The following DNAH5 variants were observed in gnomAD, a reference collection of about 807,000 sequenced individuals.
DNAH5 encodes dynein axonemal heavy chain 5.
Under a neutral mutation model 518.2 loss-of-function variants are expected in DNAH5, and 372 were observed. The ratio of observed to expected loss-of-function variants is 0.72; its 90% CI spans 0.66 to 0.78. The LOEUF (loss-of-function observed/expected upper bound fraction) is 0.78, where lower values mean the gene tolerates loss of function less well. Ranked by LOEUF, DNAH5 falls within the 30% of genes least tolerant of loss-of-function variation. The pLI is 0.00. For missense variants in DNAH5, 5,523 were observed against 5,687.0 expected (o/e 0.97, Z 0.93); for synonymous variants, 2,039 against 2,025.9 (o/e 1.01, Z -0.17).
chr5:13,848,728 G>C (rs1003290416), intron 31 of DNAH5, among the ~76,000 whole-genome samples: 5 of 152,134 alleles, frequency 3.3e-5, no homozygotes, highest in African/African-American at 1.2e-4. Context: ...GTTCACAATA[G>C]GGCTTGCACT....
intron 47 of DNAH5, among the ~76,000 whole-genome samples, chr5:13,796,503 G>A (rs1347117448): frequency 6.6e-6 from 1 of 152,068 alleles, no homozygotes; most frequent in Non-Finnish European, 1.5e-5. Flanking sequence ...GGGATGTGAT[G>A]GACCTCTTCA....
chr5:13,839,921 C>G (rs994864527), intron 34 of DNAH5, among the ~76,000 whole-genome samples: 1 of 152,176 alleles, frequency 6.6e-6, no homozygotes, highest in Non-Finnish European at 1.5e-5. Flanking sequence ...AGGAAAAAGA[C>G]ATCTCTTAAG....
chr5:13,732,034 C>CA (rs1746633104), intron 68 of DNAH5, among the ~76,000 whole-genome samples: 1 of 151,144 alleles, frequency 6.6e-6, no homozygotes, highest in Non-Finnish European at 1.5e-5. Flanking sequence ...TCAGGAGGAT[C>CA]ACCTAAGCCC....
intron 1 of DNAH5, among the ~76,000 whole-genome samples, chr5:13,972,342 G>A (rs774824326): frequency 1.3e-5 from 2 of 152,118 alleles, no homozygotes; most frequent in African/African-American, 4.8e-5. Flanking sequence ...CCCCTTCCCC[G>A]GGATTCTGTC....
chr5:13,982,274 G>A, intron 1 of DNAH5, among the ~76,000 whole-genome samples: 1 of 152,234 alleles, frequency 6.6e-6, no homozygotes, highest in East Asian at 1.9e-4. Flanking sequence ...CAAGTTAGTT[G>A]TCTTTATTTT....
At chr5:13,811,250 C>T (rs1469221869) in intron 44 of DNAH5, among the ~76,000 whole-genome samples, 2 of 152,154 alleles carry the variant, frequency 1.3e-5, no homozygotes, top group Admixed American at 1.3e-4. Flanking sequence ...ACCCCATTCA[C>T]CTTGATGTGG....
intron 15 of DNAH5, chr5:13,897,509 G>A (rs897683690): frequency 1.3e-5 from 2 of 152,156 alleles, no homozygotes; most frequent in Admixed American, 6.5e-5. Flanking sequence ...GTAACTATTA[G>A]CCTGTACTTG....
Position 13,714,512 on chromosome 5 carries a change from G to A in DNAH5, c.13018C>T (p.Gln4340Ter), listed in dbSNP as rs548721070. The change falls in exon 75 of 79, where the codon CAA becomes TAA. Residue 4340 changes from glutamine to a stop codon, truncating the protein, a stop_gained. Coordinates refer to ENST00000265104, the MANE Select transcript of DNAH5 (RefSeq NM_001369.3). LOFTEE classifies it high-confidence loss of function. ...CCTCCACCAGAGGTGTCCTTGGGTT[G>A]GATGCCTAGGATGGTGTCCAGCACG... ...KDVLDTILGI[Q>*]PKDTSGGGDE... is the part of the protein sequence containing the mutation. The A allele has an allele frequency of 1.2e-6, 2 of 1,614,142 alleles. No homozygotes were observed. Among genetic ancestry groups the A allele is most frequent in the South Asian group, 2.2e-5 (2 of 91,084 alleles).
At chr5:13,823,415 A>G (rs1374508838) in intron 39 of DNAH5, 45 bp from the exon 40 acceptor site, 10 of 1,270,358 alleles carry the variant, frequency 7.9e-6, no homozygotes, top group Non-Finnish European at 1.2e-5. Context: ...TCTGGTATAA[A>G]CATATCAATA....
intron 51 of DNAH5, among the ~76,000 whole-genome samples, chr5:13,787,008 T>C (rs185592308): frequency 1.1e-4 from 17 of 151,972 alleles, no homozygotes; most frequent in African/African-American, 3.9e-4. Flanking sequence ...TCACTTGAGG[T>C]CAGGAGTTCA....
chr5:13,705,278 C>A (rs1742640472), intron 76 of DNAH5, among the ~76,000 whole-genome samples: 1 of 152,266 alleles, frequency 6.6e-6, no homozygotes, highest in Non-Finnish European at 1.5e-5. Flanking sequence ...CAGGCATGAG[C>A]CACTGCGCCC....
intron 47 of DNAH5, among the ~76,000 whole-genome samples, chr5:13,799,581 T>C (rs1045166589): frequency 6.6e-6 from 1 of 152,204 alleles, no homozygotes. Context: ...CCTGAGAACC[T>C]AGAAGTTGAG....
At chr5:13,713,393 T>C (rs1180682973) in intron 75 of DNAH5, among the ~76,000 whole-genome samples, 16 of 94,460 alleles carry the variant, frequency 1.7e-4, no homozygotes, top group East Asian at 5.3e-4. Flanking sequence ...ATATATACAC[T>C]GACATATATA....
At chr5:13,825,049 T>A (rs983497250) in intron 38 of DNAH5, among the ~76,000 whole-genome samples, 17 of 152,082 alleles carry the variant, frequency 1.1e-4, no homozygotes, top group Non-Finnish European at 2.9e-5. Context: ...GCCAAAAGAA[T>A]TGAAAGAATG....
At chr5:13,793,760 C>T (rs368425950) in intron 48 of DNAH5, 32 bp from the exon 49 acceptor site, 5 of 1,604,824 alleles carry the variant, frequency 3.1e-6, no homozygotes, top group African/African-American at 2.7e-5. Context: ...ATTAAAGCAT[C>T]ATTCCTTTCT....
At chr5:13,710,095 G>A (rs1056857264) in intron 75 of DNAH5, among the ~76,000 whole-genome samples, 3 of 152,080 alleles carry the variant, frequency 2.0e-5, no homozygotes, top group African/African-American at 7.2e-5. Context: ...AACAAATGCT[G>A]CTATCTGCAG....
chr5:13,979,071 T>C (rs1782484014), intron 1 of DNAH5, among the ~76,000 whole-genome samples: 1 of 151,916 alleles, frequency 6.6e-6, no homozygotes, highest in Admixed American at 6.6e-5. Context: ...CCTAGTTCCT[T>C]CCCCCTGCTG....
chr5:14,007,113 C>T (rs1200639507), intron 1 of DNAH5, among the ~76,000 whole-genome samples: 1 of 152,222 alleles, frequency 6.6e-6, no homozygotes, highest in Admixed American at 6.5e-5. Flanking sequence ...CCTGACATAT[C>T]CTCAGCCCCA....
intron 1 of DNAH5, among the ~76,000 whole-genome samples, chr5:13,998,997 G>A (rs781744216): frequency 1.3e-5 from 2 of 152,038 alleles, no homozygotes; most frequent in African/African-American, 2.4e-5. Flanking sequence ...TCAGCCTCCC[G>A]AGTACCTGGG....
Sources: allele counts gnomAD v4.1 joint callset (sites outside exome capture counted in the v4.1 genomes callset), GRCh38; gene constraint gnomAD v4.1.1; transcripts MANE v1.5; gene names NCBI Gene and HGNC (gene_info 2026-07-23, HGNC 2026-07-21).